KLHL4: variants seen among roughly 807,000 people sequenced by gnomAD.
KLHL4 encodes kelch like family member 4.
Under a neutral mutation model 45.8 loss-of-function variants are expected in KLHL4, and 17 were observed. The observed-to-expected ratio is 0.37, with a 90% confidence interval of 0.25 to 0.56. KLHL4 has a LOEUF of 0.56. Ranked by LOEUF, KLHL4 falls within the 20% of genes least tolerant of loss-of-function variation. The pLI is 0.79. For missense variants in KLHL4, 544 were observed against 544.9 expected, an observed-to-expected ratio of 1.00 and a Z score of 0.02; for synonymous variants, 224 against 189.9, an observed-to-expected ratio of 1.18 and a Z score of -1.47.
At chrX:87,583,039 A>C (rs1921337390) in intron 1 of KLHL4, among the ~76,000 whole-genome samples, 1 of 110,866 alleles carries the variant, frequency 9.0e-6, no homozygotes. Context: ...CAGAGTGCTG[A>C]TTAGTACATT....
chrX:87,566,131 C>T (rs190872143), intron 1 of KLHL4, among the ~76,000 whole-genome samples: 21 of 111,108 alleles, frequency 1.9e-4, no homozygotes, highest in Non-Finnish European at 3.2e-4. Flanking sequence ...GACCATTTTG[C>T]TTCACTGGTA....
intron 1 of KLHL4, among the ~76,000 whole-genome samples, chrX:87,587,906 A>T (rs1358539411): frequency 9.0e-6 from 1 of 111,654 alleles, no homozygotes; most frequent in African/African-American, 3.3e-5. Context: ...GGAAAAACCT[A>T]AAGGATCCAC....
At chrX:87,586,490 A>G (rs1486510731) in intron 1 of KLHL4, among the ~76,000 whole-genome samples, 1 of 111,445 alleles carries the variant, frequency 9.0e-6, no homozygotes, top group African/African-American at 3.3e-5. Flanking sequence ...GCAACTATAG[A>G]AATACATGGG....
intron 9 of KLHL4, among the ~76,000 whole-genome samples, chrX:87,646,254 A>G (rs1380220775): frequency 9.0e-6 from 1 of 111,531 alleles, no homozygotes; most frequent in African/African-American, 3.3e-5. Context: ...GATGACACAA[A>G]CAAATGGAAC....
chrX:87,629,775 C>T (rs1392353771), intron 6 of KLHL4, among the ~76,000 whole-genome samples: 1 of 111,365 alleles, frequency 9.0e-6, no homozygotes, highest in Non-Finnish European at 1.9e-5. Context: ...AATTGGAAAA[C>T]ATTCAGAGAA....
chrX:87,568,750 G>T (rs1932275072), intron 1 of KLHL4, among the ~76,000 whole-genome samples: 1 of 111,363 alleles, frequency 9.0e-6, no homozygotes, highest in Non-Finnish European at 1.9e-5. Context: ...AATGGGGTAA[G>T]AATAGTCTCT....
chrX:87,575,682 GT>G (rs1226739249), intron 1 of KLHL4, among the ~76,000 whole-genome samples: 2 of 111,656 alleles, frequency 1.8e-5, no homozygotes, highest in African/African-American at 6.5e-5. Context: ...ACACATAGAT[GT>G]TTTACAATTT....
intron 1 of KLHL4, among the ~76,000 whole-genome samples, chrX:87,525,990 T>G (rs1221987647): frequency 1.8e-5 from 2 of 111,528 alleles, no homozygotes; most frequent in Non-Finnish European, 3.8e-5. Context: ...TACCTTGCAA[T>G]TTTCTCGGCA....
At chrX:87,622,472 T>A in intron 5 of KLHL4, 49 bp downstream of exon 5, 2 of 803,861 alleles carry the variant, frequency 2.5e-6, no homozygotes, top group Non-Finnish European at 3.6e-6. Flanking sequence ...GAACTACCAC[T>A]AGGCACTAAT....
At chrX:87,624,700 T>C (rs1283417903) in intron 5 of KLHL4, among the ~76,000 whole-genome samples, 1 of 112,096 alleles carries the variant, frequency 8.9e-6, no homozygotes, top group African/African-American at 3.2e-5. Flanking sequence ...TTCTGAAATA[T>C]ACTCTTGAAT....
chrX:87,634,483 A>G (rs890915853), intron 8 of KLHL4, among the ~76,000 whole-genome samples: 2 of 111,667 alleles, frequency 1.8e-5, no homozygotes, highest in Non-Finnish European at 3.8e-5. Context: ...GTTACCAGGT[A>G]TTATGTGCTT....
chrX:87,611,178 T>C (rs1214411365), intron 1 of KLHL4, among the ~76,000 whole-genome samples: 2 of 112,261 alleles, frequency 1.8e-5, no homozygotes, highest in African/African-American at 6.5e-5. Context: ...ACAAATGATT[T>C]AAGACAATTT....
intron 1 of KLHL4, among the ~76,000 whole-genome samples, chrX:87,541,639 G>A (rs773499787): frequency 2.7e-5 from 3 of 111,081 alleles, no homozygotes; most frequent in Admixed American, 9.6e-5. Flanking sequence ...GCAGAACTGT[G>A]AGTCAATTAA....
intron 10 of KLHL4, among the ~76,000 whole-genome samples, chrX:87,665,372 A>T (rs1048769989): frequency 2.7e-5 from 3 of 111,755 alleles, no homozygotes; most frequent in Admixed American, 9.5e-5. Flanking sequence ...GGCACCTAGG[A>T]GACAAGCCTT....
In KLHL4 at chrX:87,666,499, G is replaced by A; in HGVS notation, c.2122G>A (p.Ala708Thr). ...KEEVPVNIGR[A>T]GACVVVVKLP ...GGAAGTTCCTGTTAACATTGGAAGA[G>A]CTGGTGCATGTGTTGTAGTGGTGAA... The change falls in exon 11 of 11, where the codon GCT becomes ACT. Residue 708 changes from alanine to threonine, a missense_variant. Physicochemically the swap from Ala to Thr is moderately conservative, Grantham distance 58. Coordinates refer to ENST00000373119, the MANE Select transcript of KLHL4 (RefSeq NM_019117.5). 8.4e-7 allele frequency: 1 copy of A among 1,190,005 alleles called. No individual in the cohort carries two copies. The highest frequency in any genetic ancestry group is 1.1e-6 in the Non-Finnish European group (1 of 878,714).
chrX:87,545,600 A>G (rs909325031), intron 1 of KLHL4, among the ~76,000 whole-genome samples: 1 of 111,906 alleles, frequency 8.9e-6, no homozygotes. Flanking sequence ...TCCTTGTAGC[A>G]GTGTAAAAAT....
At chrX:87,622,180 A>C (rs774346594) in intron 4 of KLHL4, 31 bp from the exon 5 acceptor site, 15 of 1,041,170 alleles carry the variant, frequency 1.4e-5, no homozygotes, top group Non-Finnish European at 1.6e-5. Context: ...TCTAAAGTGC[A>C]AAGTTTTAGT....
chrX:87,642,294 A>G lies in KLHL4; in HGVS notation c.1925+6519A>G, dbSNP rs776099024. ...GGCTAGACCCAGAATAGAGACAACA[A>G]TCACTGCAGTTAAGCTCACAGGAAG... On this transcript the variant is annotated intron_variant, in intron 9 of 10. Coordinates refer to ENST00000373119, the MANE Select transcript of KLHL4 (RefSeq NM_019117.5). Among the ~76,000 whole-genome samples the G allele has an allele frequency of 1.1e-3, 126 of 111,338 alleles. 1 individual carries two copies. The highest frequency in any genetic ancestry group is 1.9e-3 in the Non-Finnish European group (103 of 53,033).
chrX:87,544,890 T>G (rs896394907), intron 1 of KLHL4, among the ~76,000 whole-genome samples: 3 of 111,462 alleles, frequency 2.7e-5, no homozygotes, highest in Non-Finnish European at 3.8e-5. Flanking sequence ...CCTTCAATGC[T>G]CAGACACCAA....
Sources: allele counts gnomAD v4.1 joint callset (sites outside exome capture counted in the v4.1 genomes callset), GRCh38; gene constraint gnomAD v4.1.1; transcripts MANE v1.5; gene names NCBI Gene and HGNC (gene_info 2026-07-23, HGNC 2026-07-21).